Variants in ARFGEF2 observed in about 807,000 individuals in gnomAD.
ARFGEF2 encodes the protein ARF guanine nucleotide exchange factor 2.
Under a neutral mutation model 219.9 loss-of-function variants are expected in ARFGEF2, and 74 were observed. The ratio of observed to expected loss-of-function variants is 0.34; its 90% CI spans 0.28 to 0.41. ARFGEF2 has a LOEUF of 0.41. Ranked by LOEUF, ARFGEF2 falls within the 10% of genes least tolerant of loss-of-function variation. ARFGEF2 has a pLI of 1.00. For missense variants in ARFGEF2, 1,743 were observed against 2,218.3 expected (o/e 0.79, Z 4.30); for synonymous variants, 733 against 799.2 (o/e 0.92, Z 1.40).
chr20:49,035,557 C>T lies in ARFGEF2; in HGVS notation c.*2358C>T, dbSNP rs1938085165. On this transcript the variant is annotated 3_prime_UTR_variant, in exon 39 of 39. Coordinates refer to ENST00000371917, the MANE Select transcript of ARFGEF2 (RefSeq NM_006420.3). ...ATTTTTATGAATAAATCTCTTCTTT[C>T]TCATGGTAAATGTGGCTTGTGCCAC... is the stretch of plus-strand genomic sequence containing the variant. The T allele has an allele frequency of 6.6e-6, 1 of 152,190 alleles. No individual in the cohort carries two copies. The highest frequency in any genetic ancestry group is 1.5e-5 in the Non-Finnish European group (1 of 68,040). The allele number at this position is 152,190 out of a possible 1,614,324, so 9.4% of individuals were successfully genotyped here.
At chr20:48,974,740 C>T (rs1425688101) in intron 12 of ARFGEF2, 26 bp from the exon 13 acceptor site, 1 of 1,588,400 alleles carries the variant, frequency 6.3e-7, no homozygotes, top group Non-Finnish European at 8.6e-7. Context: ...TGTTAAGTCT[C>T]TTTCCTGTGT....
intron 22 of ARFGEF2, among the ~76,000 whole-genome samples, chr20:48,995,346 C>G (rs551174065): frequency 1.3e-5 from 2 of 152,072 alleles, no homozygotes; most frequent in Non-Finnish European, 2.9e-5. Context: ...AAAGTATGGA[C>G]TCTGGAAAAA....
At chr20:48,981,423 T>C (rs960512421) in intron 14 of ARFGEF2, among the ~76,000 whole-genome samples, 5 of 152,230 alleles carry the variant, frequency 3.3e-5, no homozygotes, top group African/African-American at 9.6e-5. Flanking sequence ...ATTTTTTCCT[T>C]CATTTCAACC....
chr20:49,032,179 A>G lies in ARFGEF2; in HGVS notation c.5181+13A>G. 6.3e-7 allele frequency: 1 copy of G among 1,584,150 alleles called. No homozygotes were observed. Among genetic ancestry groups the G allele is most frequent in the Non-Finnish European group, 8.7e-7 (1 of 1,152,824 alleles). On this transcript the variant is annotated intron_variant, in intron 38 of 38. Transcript: ENST00000371917. ...AAATGATGAAAAGGTATGAACAAGTAAACTCTGACCAATTTTCACTAGGAC... is the reference window on the plus strand; with the variant it reads ...AAATGATGAAAAGGTATGAACAAGTGAACTCTGACCAATTTTCACTAGGAC...
Position 49,017,505 on chromosome 20 carries a change from A to T in ARFGEF2, c.4464A>T (p.Thr1488=). 6.2e-7 allele frequency: 1 copy of T among 1,613,688 alleles called. No individual in the cohort carries two copies. Among genetic ancestry groups the T allele is most frequent in the East Asian group, 2.2e-5 (1 of 44,838 alleles). ...FKTTIPHVLL[T]WRPVGMEEDS... ...CTATTTTTTTCTTCAGTTTGCTGAC[A>T]TGGAGACCTGTAGGAATGGAGGAAG... The change falls in exon 33 of 39, where the codon ACA becomes ACT. Residue 1488 remains threonine, a synonymous_variant. Transcript: ENST00000371917.
chr20:49,010,650 C>T (rs1293773469), intron 27 of ARFGEF2, among the ~76,000 whole-genome samples: 3 of 152,162 alleles, frequency 2.0e-5, no homozygotes, highest in Non-Finnish European at 4.4e-5. Flanking sequence ...AGCAGATAAA[C>T]GTGAATGTTA....
chr20:48,965,797 T>C, intron 7 of ARFGEF2, 75 bp from the exon 8 acceptor site: 1 of 1,573,414 alleles, frequency 6.4e-7, no homozygotes, highest in Admixed American at 1.7e-5. Context: ...ACAGATAACT[T>C]CTTTTTGGTG....
In ARFGEF2 at chr20:48,994,493, G is replaced by A. The variant is rs2091374708; in HGVS notation, c.3016G>A (p.Gly1006Arg). 6.2e-7 allele frequency: 1 copy of A among 1,614,012 alleles called. No homozygotes were observed. The highest frequency in any genetic ancestry group is 8.5e-7 in the Non-Finnish European group (1 of 1,180,046). ...ISQLELAQLI[G>R]TGVKTRYLSG... ...CCAGCTGGAGCTCGCTCAGCTGATA[G>A]GAACCGGTGTGAAGACGCGCTACCT... The change falls in exon 22 of 39, where the codon GGA becomes AGA. Residue 1006 changes from glycine to arginine, a missense_variant. Transcript: ENST00000371917.
chr20:48,944,017 TTACTC>T (rs1257497678), intron 3 of ARFGEF2, among the ~76,000 whole-genome samples: 1 of 151,370 alleles, frequency 6.6e-6, no homozygotes, highest in Non-Finnish European at 1.5e-5. Context: ...GGTCTAATAT[TTACTC>T]TATTAATCTC....
intron 1 of ARFGEF2, among the ~76,000 whole-genome samples, chr20:48,929,838 G>A (rs959431457): frequency 6.6e-6 from 1 of 152,204 alleles, no homozygotes; most frequent in Non-Finnish European, 1.5e-5. Context: ...GTGGGAGTGG[G>A]AGAGGTAGGC....
At chr20:48,966,460 C>T (rs1057219398) in intron 8 of ARFGEF2, among the ~76,000 whole-genome samples, 2 of 152,154 alleles carry the variant, frequency 1.3e-5, no homozygotes, top group East Asian at 3.8e-4. Flanking sequence ...TATTTTTCCA[C>T]TTAAATAGAA....
At chr20:49,025,530 T>A in intron 36 of ARFGEF2, 49 bp downstream of exon 36, 1 of 1,607,968 alleles carries the variant, frequency 6.2e-7, no homozygotes, top group Non-Finnish European at 8.5e-7. Context: ...GTCACCTTCC[T>A]AAAACATTAA....
At chr20:49,007,064 C>G (rs6019577) in intron 26 of ARFGEF2, among the ~76,000 whole-genome samples, 152,225 of 152,226 alleles carry the variant, frequency 1, 76,112 homozygotes, top group Non-Finnish European at 1. Flanking sequence ...AAAATGAGGA[C>G]CATTAGGATG....
In ARFGEF2 at chr20:48,965,856, G is replaced by T. The variant is rs1478682471; in HGVS notation, c.908-16G>T. 5.6e-6 allele frequency: 9 copies of T among 1,613,980 alleles called. No individual in the cohort carries two copies. The East Asian group carries it at 8.9e-5, about 16-fold the overall frequency. ...ACAGTACTAATTTGGCTATGACTTT[G>T]TACTTGTGTTTTAAGAAGCAGCGGA... is the stretch of plus-strand genomic sequence containing the variant. On this transcript the variant is annotated splice_polypyrimidine_tract_variant and intron_variant, in intron 7 of 38. Transcript: ENST00000371917.
rs1238465513 is a variant in ARFGEF2 at position 48,921,718 on chromosome 20, C to T, written c.-172C>T. On this transcript the variant is annotated 5_prime_UTR_variant, in exon 1 of 39. Coordinates refer to ENST00000371917, the MANE Select transcript of ARFGEF2 (RefSeq NM_006420.3). ...GTAGCGGCCTCGCCAGTCACGTGGT[C>T]ACGTGACGCGCTCCAACATGGCGGC... 6.6e-6 allele frequency among the ~76,000 whole-genome samples: 1 copy of T among 152,184 alleles called. No individual in the cohort carries two copies. The highest frequency in any genetic ancestry group is 2.4e-5 in the African/African-American group (1 of 41,564).
chr20:49,010,527 T>A, intron 27 of ARFGEF2, 123 bp downstream of exon 27: 1 of 1,113,900 alleles, frequency 9.0e-7, no homozygotes, highest in East Asian at 2.5e-5. Context: ...TATAGTAATG[T>A]GCCAGGCCGT....
chr20:49,017,380 C>A lies in ARFGEF2; in HGVS notation c.4447C>A (p.Pro1483Thr). 6.2e-7 allele frequency: 1 copy of A among 1,614,030 alleles called. No individual in the cohort carries two copies. The highest frequency in any genetic ancestry group is 8.5e-7 in the Non-Finnish European group (1 of 1,179,988). The change falls in exon 32 of 39, where the codon CCA becomes ACA. Residue 1483 changes from proline (P) to threonine (T), a missense_variant. Physicochemically the swap from Pro to Thr is conservative, Grantham distance 38. Transcript: ENST00000371917. ...GTTGGATATTTTCAAAACAACCATC[C>A]CACATGTGTAAGTGTTCATGCAGTT... is the stretch of plus-strand genomic sequence containing the variant. ...CMLDIFKTTI[P>T]HVLLTWRPVG...
In ARFGEF2 at chr20:49,033,148, G is replaced by A; in HGVS notation, c.5307G>A (p.Trp1769Ter). 1 of 1,614,206 alleles carries A rather than the reference G, an allele frequency of 6.2e-7. No homozygotes were observed. Among genetic ancestry groups the A allele is most frequent in the Non-Finnish European group, 8.5e-7 (1 of 1,180,038 alleles). ...GGATAGGTGTTGTGTATAAGATATG[G>A]ATACCAGAAGAGCCATCACAGGTAC... Reference protein sequence around the residue: ...FLRIGVVYKIWIPEEPSQVPA... With the variant: ...FLRIGVVYKI The change falls in exon 39 of 39, where the codon TGG (tryptophan) becomes TGA (stop). Residue 1769 changes from tryptophan (W) to a stop codon, truncating the protein, a stop_gained. Transcript: ENST00000371917. LOFTEE classifies it high-confidence loss of function.
At chr20:49,020,106 G>A (rs1417351972) in intron 34 of ARFGEF2, among the ~76,000 whole-genome samples, 1 of 152,200 alleles carries the variant, frequency 6.6e-6, no homozygotes, top group African/African-American at 2.4e-5. Flanking sequence ...TTGACAACAT[G>A]TAGTAGAGTG....
Sources: gnomAD v4.1 joint callset for allele counts (sites outside exome capture counted in the v4.1 genomes callset) on GRCh38, gnomAD v4.1.1 for gene constraint, MANE v1.5 for transcripts, NCBI Gene and HGNC (gene_info 2026-07-23, HGNC 2026-07-21) for gene names.